FAM222A: variants seen among roughly 807,000 people sequenced by gnomAD.
FAM222A encodes family with sequence similarity 222 member A.
In FAM222A, 7 loss-of-function variants were observed where a neutral mutation model predicts 25.8. That is an observed-to-expected ratio of 0.27 (90% CI 0.15 to 0.51). The LOEUF is 0.51. Among genes scored for constraint, FAM222A ranks in the 20% least tolerant of loss-of-function variants. FAM222A has a pLI of 0.97. For missense variants in FAM222A, 573 were observed against 640.5 expected, an observed-to-expected ratio of 0.89 and a Z score of 1.14; for synonymous variants, 294 against 298.8, an observed-to-expected ratio of 0.98 and a Z score of 0.17.
At chr12:109,724,149 C>G (rs546769402) in intron 1 of FAM222A, among the ~76,000 whole-genome samples, 57 of 152,350 alleles carry the variant, frequency 3.7e-4, no homozygotes, top group African/African-American at 1.3e-3. Flanking sequence ...CTGTGACAGC[C>G]TCAGCAAACT....
chr12:109,758,140 CTGTCTT>C (rs1888787926), intron 2 of FAM222A, among the ~76,000 whole-genome samples: 1 of 152,184 alleles, frequency 6.6e-6, no homozygotes, highest in African/African-American at 2.4e-5. Flanking sequence ...GAGCACCTGA[CTGTCTT>C]TGTATGTTGA....
At chr12:109,754,821 C>T (rs1251507551) in intron 2 of FAM222A, among the ~76,000 whole-genome samples, 1 of 152,068 alleles carries the variant, frequency 6.6e-6, no homozygotes, top group Non-Finnish European at 1.5e-5. Context: ...GCTCATGCCA[C>T]CATGCTCAGA....
chr12:109,719,675 G>T (rs1566182880), intron 1 of FAM222A, among the ~76,000 whole-genome samples: 1 of 152,162 alleles, frequency 6.6e-6, no homozygotes, highest in East Asian at 1.9e-4. Context: ...AGTAAATGGG[G>T]GTGTCTCTGG....
intron 1 of FAM222A, among the ~76,000 whole-genome samples, chr12:109,729,618 G>T (rs971652657): frequency 6.6e-6 from 1 of 152,250 alleles, no homozygotes; most frequent in Non-Finnish European, 1.5e-5. Context: ...TTGCATAGAA[G>T]CCGCTGCAGC....
chr12:109,770,013 A>G lies in FAM222A; in HGVS notation c.*725A>G, dbSNP rs1032382828. Reference sequence around the variant, plus strand: ...TTCAGGCTGTGCACTGCACAAGGGCACCTTGTCCAAGGAGACACCACTTTC... The same window carrying G: ...TTCAGGCTGTGCACTGCACAAGGGCGCCTTGTCCAAGGAGACACCACTTTC... On this transcript the variant is annotated 3_prime_UTR_variant, in exon 3 of 3. Coordinates refer to ENST00000538780, the MANE Select transcript of FAM222A (RefSeq NM_032829.3). The G allele has an allele frequency of 6.6e-6, 1 of 152,178 alleles. No individual in the cohort carries two copies. The highest frequency in any genetic ancestry group is 2.4e-5 in the African/African-American group (1 of 41,418). The allele number at this position is 152,178 out of a possible 1,614,324, so 9.4% of individuals were successfully genotyped here. A position where few individuals can be genotyped will look rare whatever the true frequency, so the allele number is the denominator to read the frequency against.
chr12:109,769,420 C>G lies in FAM222A; in HGVS notation c.*132C>G. 1 of 1,165,066 alleles carries G rather than the reference C, an allele frequency of 8.6e-7. No individual in the cohort carries two copies. The highest frequency in any genetic ancestry group is 1.2e-6 in the Non-Finnish European group (1 of 851,300). 72.2% of individuals were successfully genotyped at this position (1,165,066 alleles called of 1,614,324 possible). Reference sequence around the variant, plus strand: ...TGCTGATGCCCACAGGGGAGCCAGGCTGGCTGCCGCCTCGCTGTGGCCGGA... The same window carrying G: ...TGCTGATGCCCACAGGGGAGCCAGGGTGGCTGCCGCCTCGCTGTGGCCGGA... On this transcript the variant is annotated 3_prime_UTR_variant, in exon 3 of 3. Coordinates refer to ENST00000538780, the MANE Select transcript of FAM222A (RefSeq NM_032829.3).
Position 109,769,517 on chromosome 12 carries a change from G to T in FAM222A, c.*229G>T. 3.5e-6 allele frequency: 2 copies of T among 573,866 alleles called. No homozygotes were observed. The highest frequency in any genetic ancestry group is 5.8e-5 in the East Asian group (2 of 34,612). The allele number at this position is 573,866 out of a possible 1,614,324, so 35.5% of individuals were successfully genotyped here. A position where few individuals can be genotyped will look rare whatever the true frequency, so the allele number is the denominator to read the frequency against. Reference sequence around the variant, plus strand: ...TCGGTTGCCCCAGGACACAGTGAGGGCCTGGGGGCAGCCACTGACGCCCAT... The same window carrying T: ...TCGGTTGCCCCAGGACACAGTGAGGTCCTGGGGGCAGCCACTGACGCCCAT... On this transcript the variant is annotated 3_prime_UTR_variant, in exon 3 of 3. Transcript: ENST00000538780.
At chr12:109,744,540 GTGT>G in intron 2 of FAM222A, 6 of 985,412 alleles carry the variant, frequency 6.1e-6, no homozygotes, top group Non-Finnish European at 7.2e-6. Flanking sequence ...CTAGCCATGT[GTGT>G]CTCCCTTACC....
intron 1 of FAM222A, among the ~76,000 whole-genome samples, chr12:109,723,003 G>A (rs970056744): frequency 8.9e-6 from 1 of 112,200 alleles, no homozygotes; most frequent in Middle Eastern, 3.9e-3. Context: ...GGGAGCGGGT[G>A]GGGGGGGGAG....
rs1332835397 is a variant in FAM222A at position 109,733,604 on chromosome 12, C to T, written c.-46-10497C>T. ...ATTTTTAGTAGAGAGGGGGTTTCAC[C>T]GTGTTAGCCAGGATGGTCTCGATCT... On this transcript the variant is annotated intron_variant, in intron 1 of 2. Transcript: ENST00000538780. Among the ~76,000 whole-genome samples, 9 of 152,160 alleles carry T rather than the reference C, an allele frequency of 5.9e-5. 1 individual carries two copies. The highest frequency in any genetic ancestry group is 4.1e-4 in the South Asian group (2 of 4,822).
chr12:109,739,128 TC>T (rs1458925931), intron 1 of FAM222A, among the ~76,000 whole-genome samples: 1 of 152,208 alleles, frequency 6.6e-6, no homozygotes, highest in Admixed American at 6.5e-5. Context: ...AGATGGGGGC[TC>T]AGAGGCGCAG....
At chr12:109,756,272 C>A (rs1006562523) in intron 2 of FAM222A, among the ~76,000 whole-genome samples, 2 of 152,022 alleles carry the variant, frequency 1.3e-5, no homozygotes, top group African/African-American at 4.8e-5. Flanking sequence ...ATCTTGTATC[C>A]TGCAACCTTG....
At chr12:109,721,961 G>T (rs1245324462) in intron 1 of FAM222A, among the ~76,000 whole-genome samples, 2 of 152,138 alleles carry the variant, frequency 1.3e-5, no homozygotes, top group African/African-American at 4.8e-5. Flanking sequence ...AGCAGAGTAG[G>T]GTCACGCACT....
At chr12:109,763,058 C>T (rs1226107834) in intron 2 of FAM222A, among the ~76,000 whole-genome samples, 2 of 152,200 alleles carry the variant, frequency 1.3e-5, no homozygotes, top group Non-Finnish European at 2.9e-5. Context: ...CCCTGGGTGG[C>T]CTCCCTGCCT....
chr12:109,723,177 G>C (rs1177292577), intron 1 of FAM222A, among the ~76,000 whole-genome samples: 1 of 152,188 alleles, frequency 6.6e-6, no homozygotes, highest in Non-Finnish European at 1.5e-5. Flanking sequence ...TGGGAGGGGT[G>C]CAGGCCACTA....
intron 2 of FAM222A, among the ~76,000 whole-genome samples, chr12:109,758,979 T>G (rs1214545558): frequency 6.6e-6 from 1 of 152,220 alleles, no homozygotes; most frequent in Non-Finnish European, 1.5e-5. Context: ...TTGCACACCT[T>G]TCACTCTCCC....
chr12:109,744,985 C>T (rs1395635751), intron 2 of FAM222A, among the ~76,000 whole-genome samples: 4 of 152,060 alleles, frequency 2.6e-5, no homozygotes, highest in Non-Finnish European at 4.4e-5. Context: ...GCCCAGGATC[C>T]GTTGCCATTT....
In FAM222A at chr12:109,768,566, C is replaced by A; in HGVS notation, c.637C>A (p.Pro213Thr). The change falls in exon 3 of 3, where the codon CCG becomes ACG. Residue 213 changes from proline (P) to threonine (T), a missense_variant. By Grantham distance (38) the Pro-to-Thr change is conservative. Transcript: ENST00000538780. ...LYQLNQQCQAPGAAPPACQGM... is the reference protein window; with the variant it reads ...LYQLNQQCQATGAAPPACQGM... Reference sequence around the variant, plus strand: ...CCAGCTCAACCAGCAGTGCCAGGCCCCGGGCGCCGCACCCCCTGCCTGCCA... The same window carrying A: ...CCAGCTCAACCAGCAGTGCCAGGCCACGGGCGCCGCACCCCCTGCCTGCCA... 6.2e-7 allele frequency: 1 copy of A among 1,602,140 alleles called. No homozygotes were observed. Among genetic ancestry groups the A allele is most frequent in the Non-Finnish European group, 8.5e-7 (1 of 1,175,754 alleles).
chr12:109,768,220 T>C lies in FAM222A; in HGVS notation c.291T>C (p.Ala97=). ...QRYSPYPQHT[A]GYQGLLAIVK... ...ACAGCCCCTACCCACAGCACACCGC[T>C]GGCTACCAGGGCCTTCTGGCCATTG... is the stretch of plus-strand genomic sequence containing the variant. The change falls in exon 3 of 3, where the codon GCT becomes GCC. Residue 97 remains alanine (A), a synonymous_variant. Transcript: ENST00000538780. The C allele has an allele frequency of 6.2e-7, 1 of 1,612,404 alleles. No homozygotes were observed. Among genetic ancestry groups the C allele is most frequent in the East Asian group, 2.2e-5 (1 of 44,810 alleles).
Sources: gnomAD v4.1 joint callset for allele counts (sites outside exome capture counted in the v4.1 genomes callset) on GRCh38, gnomAD v4.1.1 for gene constraint, MANE v1.5 for transcripts, NCBI Gene and HGNC (gene_info 2026-07-23, HGNC 2026-07-21) for gene names.